The following HDAC8 variants were observed in gnomAD, a reference collection of about 807,000 sequenced individuals.
HDAC8 encodes the protein histone deacetylase 8, also known as histone deacetylase-like 1.
In HDAC8, 1 loss-of-function variant was observed where a neutral mutation model predicts 32.2. That is an observed-to-expected ratio of 0.03 (90% CI 0.01 to 0.15). The LOEUF (loss-of-function observed/expected upper bound fraction) is 0.15, where lower values mean the gene tolerates loss of function less well. Among genes scored for constraint, HDAC8 ranks in the 10% least tolerant of loss-of-function variants. HDAC8 has a pLI of 1.00. For missense variants in HDAC8, 117 were observed against 300.0 expected, an observed-to-expected ratio of 0.39 and a Z score of 4.51; for synonymous variants, 108 against 113.9, an observed-to-expected ratio of 0.95 and a Z score of 0.33.
intron 4 of HDAC8, among the ~76,000 whole-genome samples, chrX:72,531,374 C>T (rs2050331632): frequency 8.9e-6 from 1 of 112,007 alleles, no homozygotes; most frequent in Non-Finnish European, 1.9e-5. Flanking sequence ...CTCAGTTTCT[C>T]TATCCATTTC....
chrX:72,330,063 A>G lies in HDAC8; in HGVS notation c.1125T>C (p.His375=), dbSNP rs1555939763. Residue 375 remains histidine (H), a synonymous_variant, in exon 11 of 11, where the codon CAT becomes CAC. Coordinates refer to ENST00000373573, the MANE Select transcript of HDAC8 (RefSeq NM_018486.3). ...GATCTCTTTCTGTCAACTAGACCAC[A>G]TGCTTCAGATTCCCTGCAAACAGGG... ...ILNYIKGNLK[H]VV 8.3e-7 allele frequency: 1 copy of G among 1,208,277 alleles called. No homozygotes were observed. The highest frequency in any genetic ancestry group is 2.2e-5 in the Admixed American group (1 of 46,050).
At chrX:72,463,389 T>C in intron 8 of HDAC8, among the ~76,000 whole-genome samples, 1 of 111,780 alleles carries the variant, frequency 8.9e-6, no homozygotes, top group Non-Finnish European at 1.9e-5. Flanking sequence ...GTCAAAACTT[T>C]GGGCTGAGAA....
intron 9 of HDAC8, among the ~76,000 whole-genome samples, chrX:72,380,469 T>A (rs1484370591): frequency 2.7e-5 from 3 of 112,053 alleles, no homozygotes; most frequent in Non-Finnish European, 5.6e-5. Context: ...GCTGCCAGGC[T>A]GCTGGTTTTC....
At chrX:72,368,949 C>T (rs1470654509) in intron 9 of HDAC8, among the ~76,000 whole-genome samples, 5 of 112,156 alleles carry the variant, frequency 4.5e-5, no homozygotes, top group African/African-American at 1.6e-4. Context: ...ACTGGTTTAT[C>T]TGATTCGTGA....
At chrX:72,422,776 T>G (rs2046529241) in intron 9 of HDAC8, among the ~76,000 whole-genome samples, 1 of 111,315 alleles carries the variant, frequency 9.0e-6, no homozygotes, top group Non-Finnish European at 1.9e-5. Flanking sequence ...TTGGGTGAGT[T>G]CTGAGTTAGG....
intron 9 of HDAC8, among the ~76,000 whole-genome samples, chrX:72,450,241 T>C (rs2047535756): frequency 9.0e-6 from 1 of 111,597 alleles, no homozygotes; most frequent in East Asian, 2.8e-4. Flanking sequence ...TTGCCAAGGG[T>C]TCGTGATGGA....
At chrX:72,555,631 AT>A (rs1173435197) in intron 4 of HDAC8, among the ~76,000 whole-genome samples, 1 of 112,496 alleles carries the variant, frequency 8.9e-6, no homozygotes, top group Non-Finnish European at 1.9e-5. Flanking sequence ...CAGCAATATA[AT>A]TGAACAAACA....
intron 9 of HDAC8, among the ~76,000 whole-genome samples, chrX:72,385,991 A>C (rs1271456135): frequency 8.9e-6 from 1 of 112,416 alleles, no homozygotes; most frequent in Non-Finnish European, 1.9e-5. Context: ...AGAAACTTGC[A>C]CATGTGCCCA....
intron 9 of HDAC8, among the ~76,000 whole-genome samples, chrX:72,438,798 G>A (rs1373129305): frequency 9.0e-6 from 1 of 111,623 alleles, no homozygotes; most frequent in Non-Finnish European, 1.9e-5. Flanking sequence ...AAGCCTCCAA[G>A]AAATAAAGGA....
In HDAC8 at chrX:72,413,836, C is replaced by T. The variant is rs782671014; in HGVS notation, c.1005+48168G>A. On this transcript the variant is annotated intron_variant, in intron 9 of 10. Transcript: ENST00000373573. ...GCCCTGTGGAACTGAGTCAATGAAA[C>T]CTCTTTCCTTTATAAATTACCCAGT... is the stretch of plus-strand genomic sequence containing the variant. 3.4e-3 allele frequency among the ~76,000 whole-genome samples: 378 copies of T among 112,084 alleles called. 1 individual carries two copies. Among genetic ancestry groups the T allele is most frequent in the Non-Finnish European group, 5.3e-3 (284 of 53,171 alleles).
intron 9 of HDAC8, among the ~76,000 whole-genome samples, chrX:72,413,029 T>A (rs1434293744): frequency 2.7e-5 from 3 of 111,727 alleles, no homozygotes; most frequent in Non-Finnish European, 5.6e-5. Context: ...TAGGTTTGAT[T>A]TTTAAAAAAA....
intron 10 of HDAC8, among the ~76,000 whole-genome samples, chrX:72,351,451 G>C (rs1555948847): frequency 8.9e-6 from 1 of 111,948 alleles, no homozygotes; most frequent in African/African-American, 3.2e-5. Flanking sequence ...GAAAGAAAAA[G>C]GGTCTCAGGG....
chrX:72,356,486 C>A (rs1330708498), intron 9 of HDAC8, among the ~76,000 whole-genome samples: 2 of 111,961 alleles, frequency 1.8e-5, no homozygotes, highest in Non-Finnish European at 3.8e-5. Flanking sequence ...TTGTTCCCTG[C>A]TGCATTGCCA....
intron 4 of HDAC8, among the ~76,000 whole-genome samples, chrX:72,519,859 G>T (rs1397273472): frequency 8.9e-6 from 1 of 111,989 alleles, no homozygotes; most frequent in Non-Finnish European, 1.9e-5. Flanking sequence ...CAAAGTGCCG[G>T]AATATACAGG....
chrX:72,425,016 A>C lies in HDAC8; in HGVS notation c.1005+36988T>G, dbSNP rs1276315295. Among the ~76,000 whole-genome samples the C allele has an allele frequency of 2.7e-5, 3 of 112,179 alleles. No individual in the cohort carries two copies. In the East Asian group the frequency reaches 8.3e-4, roughly 31 times the overall value. On this transcript the variant is annotated intron_variant, in intron 9 of 10. Coordinates refer to ENST00000373573, the MANE Select transcript of HDAC8 (RefSeq NM_018486.3). ...ACTATTTTATTTTGCATAATGCTAT[A>C]GTTAACATTGATATACCAGTACCCA...
chrX:72,464,954 G>A (rs868923409), intron 7 of HDAC8, among the ~76,000 whole-genome samples: 9 of 111,640 alleles, frequency 8.1e-5, no homozygotes, highest in African/African-American at 1.6e-4. Flanking sequence ...CTACTTCCAC[G>A]CTCATCAATG....
chrX:72,508,285 T>C (rs1232654783), intron 4 of HDAC8, among the ~76,000 whole-genome samples: 1 of 112,172 alleles, frequency 8.9e-6, no homozygotes, highest in African/African-American at 3.2e-5. Context: ...CTGACATCTA[T>C]TAAGTGATTA....
At chrX:72,472,530 A>T (rs2048215561) in intron 7 of HDAC8, among the ~76,000 whole-genome samples, 1 of 111,755 alleles carries the variant, frequency 8.9e-6, no homozygotes, top group African/African-American at 3.3e-5. Context: ...ATTAATCTAT[A>T]TGTCTGTCCT....
At chrX:72,492,522 G>C (rs983338021) in intron 5 of HDAC8, among the ~76,000 whole-genome samples, 2 of 110,524 alleles carry the variant, frequency 1.8e-5, no homozygotes, top group Non-Finnish European at 3.8e-5. Flanking sequence ...GCCACCACAG[G>C]ATGCTAGTTA....
Sources: gnomAD v4.1 joint callset for allele counts (sites outside exome capture counted in the v4.1 genomes callset) on GRCh38, gnomAD v4.1.1 for gene constraint, MANE v1.5 for transcripts, NCBI Gene and HGNC (gene_info 2026-07-23, HGNC 2026-07-21) for gene names.